The following AGAP1 variants were observed in gnomAD, a reference collection of about 807,000 sequenced individuals.
AGAP1 encodes ArfGAP with GTPase domain, ankyrin repeat and PH domain 1.
In AGAP1, 29 loss-of-function variants were observed where a neutral mutation model predicts 105.3. The observed-to-expected ratio is 0.28, with a 90% CI of 0.21 to 0.38. AGAP1 has a LOEUF of 0.38. Among genes scored for constraint, AGAP1 ranks in the 10% least tolerant of loss-of-function variants. The pLI is 1.00. For synonymous variants in AGAP1, 509 were observed against 485.9 expected, an observed-to-expected ratio of 1.05 and a Z score of -0.63; for missense variants, 998 against 1,165.1, an observed-to-expected ratio of 0.86 and a Z score of 2.09.
At position 235,614,753 on chromosome 2, in the gene AGAP1, T is replaced by G. The variant is rs1559290444; in HGVS notation, c.164-94426T>G. Among the ~76,000 whole-genome samples the G allele has an allele frequency of 2.0e-5, 3 of 152,174 alleles. No homozygotes were observed. The highest frequency in any genetic ancestry group is 2.9e-5 in the Non-Finnish European group (2 of 68,020). Reference sequence around the variant, plus strand: ...TAACTCAGTATTCACCGTGAATTCTTTTGTGGGAAATAGAACACAGCGTTG... The same window carrying G: ...TAACTCAGTATTCACCGTGAATTCTGTTGTGGGAAATAGAACACAGCGTTG... On this transcript the variant is annotated intron_variant, in intron 1 of 17. Transcript: ENST00000304032. This position sits in a 1 kb window ranked among gnomAD's most constrained non-coding sequence, Gnocchi z 4.7.
intron 13 of AGAP1, among the ~76,000 whole-genome samples, chr2:236,008,651 A>C (rs773473172): frequency 6.6e-6 from 1 of 152,188 alleles, no homozygotes; most frequent in Admixed American, 6.5e-5. Flanking sequence ...GTTTTATTGC[A>C]TATCCTGGAG....
In AGAP1 at chr2:235,769,019, C is replaced by T. The variant is rs1257946441; in HGVS notation, c.673+18531C>T. Among the ~76,000 whole-genome samples, 1 of 152,198 alleles carries T rather than the reference C, an allele frequency of 6.6e-6. No individual in the cohort carries two copies. The highest frequency in any genetic ancestry group is 1.9e-4 in the East Asian group (1 of 5,194). On this transcript the variant is annotated intron_variant, in intron 6 of 17. Coordinates refer to ENST00000304032, the MANE Select transcript of AGAP1 (RefSeq NM_001037131.3). This position sits in a 1 kb window ranked among gnomAD's most constrained non-coding sequence, Gnocchi z 4.4. The stretch of plus-strand genomic sequence containing the variant: ...TAATTATACCAACTGTACTAAAGAT[C>T]CCAGTACTCGAGTAATTCACCATAA...
intron 1 of AGAP1, among the ~76,000 whole-genome samples, chr2:235,534,039 T>C (rs1251286881): frequency 1.3e-5 from 2 of 152,254 alleles, no homozygotes; most frequent in Admixed American, 6.5e-5. Flanking sequence ...TAGCACTTGA[T>C]TGGAGCCTCC....
intron 1 of AGAP1, among the ~76,000 whole-genome samples, chr2:235,688,012 C>T (rs1163909696): frequency 6.6e-6 from 1 of 150,546 alleles, no homozygotes; most frequent in Non-Finnish European, 1.5e-5. Flanking sequence ...CGCCATTCTC[C>T]CGCCTCAGCC....
rs534042869 is a variant in AGAP1, at chr2:235,845,736, C to T, written c.1051-37609C>T. 6.6e-6 allele frequency among the ~76,000 whole-genome samples: 1 copy of T among 152,064 alleles called. No individual in the cohort carries two copies. Among genetic ancestry groups the T allele is most frequent in the African/African-American group, 2.4e-5 (1 of 41,402 alleles). ...ACTATTCCTGATGTCATCTATTAAC[C>T]TTCTCCAGCTGCTCCGAGATGGTCA... On this transcript the variant is annotated intron_variant, in intron 9 of 17. Transcript: ENST00000304032. The surrounding 1 kb of genome is among the most constrained non-coding windows in gnomAD (Gnocchi z 4.8).
At chr2:236,071,349 G>GCA (rs2058489991) in intron 16 of AGAP1, among the ~76,000 whole-genome samples, 1 of 152,230 alleles carries the variant, frequency 6.6e-6, no homozygotes, top group African/African-American at 2.4e-5. Flanking sequence ...TTCCTGCTGA[G>GCA]CACCTCGGTG....
chr2:235,625,689 T>C lies in AGAP1; in HGVS notation c.164-83490T>C, dbSNP rs114748603. On this transcript the variant is annotated intron_variant, in intron 1 of 17. Transcript: ENST00000304032. This position sits in a 1 kb window ranked among gnomAD's most constrained non-coding sequence, Gnocchi z 4.0. ...TAAATACAGAGTTGGTTGTGACATA[T>C]TCAGCTGGGGGAAAATAGTCGTCTG... Among the ~76,000 whole-genome samples, 312 of 152,340 alleles carry C rather than the reference T, an allele frequency of 2.0e-3. 1 individual carries two copies. The highest frequency in any genetic ancestry group is 3.2e-3 in the Non-Finnish European group (218 of 68,032).
chr2:235,996,376 AT>A (rs981914981), intron 13 of AGAP1, among the ~76,000 whole-genome samples: 2 of 152,152 alleles, frequency 1.3e-5, no homozygotes. Flanking sequence ...GTGTCTTCTA[AT>A]TTTTTTAACT....
At chr2:236,019,909 C>A (rs2056833840) in intron 13 of AGAP1, among the ~76,000 whole-genome samples, 1 of 152,240 alleles carries the variant, frequency 6.6e-6, no homozygotes, top group African/African-American at 2.4e-5. Context: ...CCGTGTGGGT[C>A]CCCACTGTGA....
In AGAP1 at chr2:235,720,637, C is replaced by G. The variant is rs889220697; in HGVS notation, c.310+2993C>G. ...GAATGAAAGGCATTTTGCTGTGTATCTGCCTGTCCAGATAGTTCCTTGGAT... is the reference window on the plus strand; with the variant it reads ...GAATGAAAGGCATTTTGCTGTGTATGTGCCTGTCCAGATAGTTCCTTGGAT... On this transcript the variant is annotated intron_variant, in intron 3 of 17. Coordinates refer to ENST00000304032, the MANE Select transcript of AGAP1 (RefSeq NM_001037131.3). This position sits in a 1 kb window ranked among gnomAD's most constrained non-coding sequence, Gnocchi z 5.0. 65 of 983,284 alleles carry G rather than the reference C, an allele frequency of 6.6e-5. No homozygotes were observed. Among genetic ancestry groups the G allele is most frequent in the Non-Finnish European group, 7.8e-5 (65 of 829,312 alleles). The allele number at this position is 983,284 out of a possible 1,614,324, so 60.9% of individuals were successfully genotyped here. A position where few individuals can be genotyped will look rare whatever the true frequency, so the allele number is the denominator to read the frequency against.
Position 236,102,958 on chromosome 2 carries a change from C to T in AGAP1, c.2115-17234C>T, listed in dbSNP as rs567525573. ...TTTCTGTTCTCCCACCGCAAGCCCCCGCCCCACCTCTTGGCTCTGCCTATC... is the reference window on the plus strand; with the variant it reads ...TTTCTGTTCTCCCACCGCAAGCCCCTGCCCCACCTCTTGGCTCTGCCTATC... On this transcript the variant is annotated intron_variant, in intron 16 of 17. Transcript: ENST00000304032. Among the ~76,000 whole-genome samples, 183 of 152,074 alleles carry T rather than the reference C, an allele frequency of 1.2e-3. 2 individuals are homozygous for T. The highest frequency in any genetic ancestry group is 5.8e-3 in the South Asian group (28 of 4,816).
Position 235,799,335 on chromosome 2 carries a change from G to T in AGAP1, c.802-32G>T, listed in dbSNP as rs372555700. The T allele has an allele frequency of 1.6e-5, 26 of 1,606,810 alleles. No individual in the cohort carries two copies. The South Asian group carries it at 2.9e-4, about 18-fold the overall frequency. ...GAGGTCTTGGGTTCCTGAGTATGTC[G>T]TTAATGAAACCTTGGATTTTAATCA... On this transcript the variant is annotated intron_variant, in intron 7 of 17. Coordinates refer to ENST00000304032, the MANE Select transcript of AGAP1 (RefSeq NM_001037131.3). The surrounding 1 kb of genome is among the most constrained non-coding windows in gnomAD (Gnocchi z 5.0).
rs1009184179 is a variant in AGAP1 at position 236,092,468 on chromosome 2, C to T, written c.2115-27724C>T. Reference sequence around the variant, plus strand: ...AGTGTAGTGGTGCAGTCTCGTCTCACTGCAACCTCCGCCTCCCGGGTTCAA... The same window carrying T: ...AGTGTAGTGGTGCAGTCTCGTCTCATTGCAACCTCCGCCTCCCGGGTTCAA... On this transcript the variant is annotated intron_variant, in intron 16 of 17. Coordinates refer to ENST00000304032, the MANE Select transcript of AGAP1 (RefSeq NM_001037131.3). The surrounding 1 kb of genome is among the most constrained non-coding windows in gnomAD (Gnocchi z 4.7). Among the ~76,000 whole-genome samples the T allele has an allele frequency of 1.3e-5, 2 of 152,190 alleles. No individual in the cohort carries two copies. Among genetic ancestry groups the T allele is most frequent in the Non-Finnish European group, 2.9e-5 (2 of 68,032 alleles).
chr2:235,899,542 C>T (rs1006045994), intron 10 of AGAP1, among the ~76,000 whole-genome samples: 37 of 152,230 alleles, frequency 2.4e-4, no homozygotes, highest in African/African-American at 8.7e-4. Context: ...TTTGTTTTAG[C>T]GCTGCACATT....
At chr2:235,708,685 A>G (rs942500915) in intron 1 of AGAP1, among the ~76,000 whole-genome samples, 1 of 152,230 alleles carries the variant, frequency 6.6e-6, no homozygotes, top group African/African-American at 2.4e-5. Context: ...TGAGCATTCA[A>G]ATCTTCAAAT....
chr2:235,773,941 C>T (rs973421179), intron 6 of AGAP1: 1 of 469,694 alleles, frequency 2.1e-6, no homozygotes. Flanking sequence ...ATCAACTCTT[C>T]ATCTCACCTG....
rs529701412 is a variant in AGAP1, at chr2:235,959,050, C to T, written c.1484-9412C>T. The stretch of plus-strand genomic sequence containing the variant: ...CATCCCGGCTCAGCGCCGCGCAGCT[C>T]GGGACCCCAGTCCCTCCGTCAGAGC... On this transcript the variant is annotated intron_variant, in intron 12 of 17. Transcript: ENST00000304032. The surrounding 1 kb of genome is among the most constrained non-coding windows in gnomAD (Gnocchi z 7.3). 4.7e-4 allele frequency among the ~76,000 whole-genome samples: 72 copies of T among 152,244 alleles called. No homozygotes were observed. Among genetic ancestry groups the T allele is most frequent in the African/African-American group, 1.5e-3 (61 of 41,562 alleles).
chr2:235,801,218 G>A lies in AGAP1; in HGVS notation c.957+1696G>A, dbSNP rs77343089. On this transcript the variant is annotated intron_variant, in intron 8 of 17. Coordinates refer to ENST00000304032, the MANE Select transcript of AGAP1 (RefSeq NM_001037131.3). The surrounding 1 kb of genome is among the most constrained non-coding windows in gnomAD (Gnocchi z 6.0). ...AGACCAAGCTCCCATCCCGGCCTCC[G>A]CTGCTGACGGATGTTTGACCTTAGG... Among the ~76,000 whole-genome samples the A allele has an allele frequency of 2.5e-4, 38 of 152,206 alleles. No homozygotes were observed. The highest frequency in any genetic ancestry group is 2.1e-3 in the East Asian group (11 of 5,134).
chr2:235,917,177 C>T (rs1332562492), intron 11 of AGAP1, among the ~76,000 whole-genome samples: 1 of 152,096 alleles, frequency 6.6e-6, no homozygotes, highest in Admixed American at 6.5e-5. Flanking sequence ...CCCCCCTTCC[C>T]TACTTGAGGC....
Sources: gnomAD v4.1 joint callset for allele counts (sites outside exome capture counted in the v4.1 genomes callset) on GRCh38, gnomAD v4.1.1 for gene constraint, Gnocchi (gnomAD v3.1) non-coding constraint, MANE v1.5 for transcripts, NCBI Gene and HGNC (gene_info 2026-07-23, HGNC 2026-07-21) for gene names.